The following RORA variants were observed in gnomAD, a reference collection of about 807,000 sequenced individuals.
The protein encoded by RORA is nuclear receptor ROR-alpha.
Under a neutral mutation model 69.5 loss-of-function variants are expected in RORA, and 7 were observed. That is an observed-to-expected ratio of 0.10 (90% CI 0.06 to 0.19). The LOEUF is 0.19. RORA is among the 10% of genes least tolerant of loss of function. The probability of loss-of-function intolerance (pLI) is 1.00; values close to 1 mark genes in which losing one functional copy is unlikely to be tolerated. For synonymous variants in RORA, 261 were observed against 240.8 expected, an observed-to-expected ratio of 1.08 and a Z score of -0.78; for missense variants, 457 against 663.0, an observed-to-expected ratio of 0.69 and a Z score of 3.41.
At position 60,623,198 on chromosome 15, in the gene RORA, GCA is replaced by G. The variant is rs1367137259; in HGVS notation, c.196+55457_196+55458del. 2.0e-5 allele frequency among the ~76,000 whole-genome samples: 3 copies of G among 152,276 alleles called. No individual in the cohort carries two copies. The East Asian group carries it at 5.8e-4, about 29-fold the overall frequency. ...GTGAAGCCCACCACAGGTGTGCTCT[GCA>G]AAGTCCCTGAAAGAGGAGGGCCCAA... On this transcript the variant is annotated intron_variant, in intron 2 of 10. Transcript: ENST00000335670.
intron 1 of RORA, among the ~76,000 whole-genome samples, chr15:61,007,754 TA>T (rs1044366380): frequency 1.6e-4 from 23 of 148,250 alleles, no homozygotes; most frequent in African/African-American, 5.6e-4. Context: ...AGCCTAATGT[TA>T]TATATTATAT....
chr15:60,578,482 T>C (rs537161870), intron 2 of RORA, among the ~76,000 whole-genome samples: 4 of 152,336 alleles, frequency 2.6e-5, no homozygotes, highest in Non-Finnish European at 4.4e-5. Context: ...AAGTTCATTT[T>C]TGAGAAAATA....
chr15:60,508,013 T>C (rs1468465838), intron 5 of RORA, among the ~76,000 whole-genome samples: 1 of 152,228 alleles, frequency 6.6e-6, no homozygotes, highest in Non-Finnish European at 1.5e-5. Flanking sequence ...ATTCACACCA[T>C]CTGCTCACCA....
At chr15:60,550,610 A>G (rs184084417) in intron 2 of RORA, among the ~76,000 whole-genome samples, 65 of 152,338 alleles carry the variant, frequency 4.3e-4, no homozygotes, top group African/African-American at 1.5e-3. Context: ...TCAGCTTTCA[A>G]TGGAAAAAAA....
intron 1 of RORA, among the ~76,000 whole-genome samples, chr15:60,946,983 T>A (rs924152279): frequency 3.3e-5 from 5 of 151,028 alleles, no homozygotes; most frequent in Non-Finnish European, 7.4e-5. Context: ...GAGGAGCCCC[T>A]CCGTCCGGCA....
chr15:60,786,975 G>A (rs898071111), intron 1 of RORA, among the ~76,000 whole-genome samples: 10 of 152,214 alleles, frequency 6.6e-5, no homozygotes, highest in African/African-American at 2.4e-4. Context: ...AGGAACCATG[G>A]GGTGGTGTGT....
At chr15:60,522,077 C>T (rs772844398) in intron 3 of RORA, among the ~76,000 whole-genome samples, 4 of 152,186 alleles carry the variant, frequency 2.6e-5, no homozygotes, top group Non-Finnish European at 5.9e-5. Context: ...TACCAGGTTG[C>T]AAGAGCTGAG....
chr15:61,125,264 C>T (rs1283890944), intron 1 of RORA, among the ~76,000 whole-genome samples: 2 of 152,216 alleles, frequency 1.3e-5, no homozygotes, highest in Admixed American at 6.5e-5. Flanking sequence ...AAACGTGACA[C>T]TGAATGCCCT....
intron 1 of RORA, among the ~76,000 whole-genome samples, chr15:61,005,837 T>C (rs1023414457): frequency 3.9e-5 from 6 of 152,022 alleles, no homozygotes; most frequent in African/African-American, 1.5e-4. Context: ...TGAGTAGGAG[T>C]GTGCGTATGT....
intron 1 of RORA, among the ~76,000 whole-genome samples, chr15:60,797,887 G>C (rs181223541): frequency 7.9e-5 from 12 of 152,290 alleles, no homozygotes; most frequent in Middle Eastern, 3.4e-3. Context: ...TCAACTAAAA[G>C]TTCCAGTCTT....
intron 1 of RORA, among the ~76,000 whole-genome samples, chr15:61,019,195 T>C (rs1895414801): frequency 1.3e-5 from 2 of 152,220 alleles, no homozygotes; most frequent in Non-Finnish European, 2.9e-5. Context: ...TACACAGCGC[T>C]CCACGCAGCT....
At chr15:61,143,089 C>T (rs981232931) in intron 1 of RORA, among the ~76,000 whole-genome samples, 4 of 151,904 alleles carry the variant, frequency 2.6e-5, no homozygotes, top group African/African-American at 7.3e-5. Flanking sequence ...GTACCTAGAA[C>T]GCCAAAGAGG....
intron 1 of RORA, among the ~76,000 whole-genome samples, chr15:60,799,699 T>C (rs1306982888): frequency 6.6e-6 from 1 of 151,892 alleles, no homozygotes; most frequent in African/African-American, 2.4e-5. Flanking sequence ...AAAATCAAAA[T>C]CATTTATTTT....
At chr15:61,043,633 T>C (rs982228314) in intron 1 of RORA, among the ~76,000 whole-genome samples, 5 of 152,170 alleles carry the variant, frequency 3.3e-5, no homozygotes, top group Admixed American at 2.6e-4. Context: ...ATGCCTGTCA[T>C]ACAGTTCCCT....
chr15:61,015,094 C>T (rs1202790862), intron 1 of RORA, among the ~76,000 whole-genome samples: 2 of 152,124 alleles, frequency 1.3e-5, no homozygotes, highest in Admixed American at 6.5e-5. Context: ...CATTAATTAC[C>T]ATCAGCAAGA....
intron 5 of RORA, among the ~76,000 whole-genome samples, chr15:60,506,776 C>T (rs1268711988): frequency 6.6e-6 from 1 of 151,994 alleles, no homozygotes; most frequent in Non-Finnish European, 1.5e-5. Flanking sequence ...CACCTGAGGT[C>T]AAGAGTTCGA....
chr15:60,631,593 G>A (rs1207052820), intron 2 of RORA, among the ~76,000 whole-genome samples: 1 of 152,124 alleles, frequency 6.6e-6, no homozygotes, highest in Non-Finnish European at 1.5e-5. Flanking sequence ...TTGCAGTAAG[G>A]TGGGGGAACT....
At position 60,571,077 on chromosome 15, in the gene RORA, A is replaced by G. The variant is rs150940817; in HGVS notation, c.197-39226T>C. On this transcript the variant is annotated intron_variant, in intron 2 of 10. Coordinates refer to ENST00000335670, the MANE Select transcript of RORA (RefSeq NM_134261.3). ...TGCCTGCTAGTGGCTTGTCAACAGT[A>G]GTTTCTATAATCAATTCTGGAAATG... 1.0e-3 allele frequency among the ~76,000 whole-genome samples: 155 copies of G among 151,964 alleles called. 3 individuals are homozygous for G. The East Asian group carries it at 0.028, about 27-fold the overall frequency.
intron 1 of RORA, among the ~76,000 whole-genome samples, chr15:60,960,861 C>T (rs1893398031): frequency 6.6e-6 from 1 of 152,072 alleles, no homozygotes; most frequent in Non-Finnish European, 1.5e-5. Flanking sequence ...GGTATTATTT[C>T]AAATAACCTC....
Sources: gnomAD v4.1 joint callset for allele counts (sites outside exome capture counted in the v4.1 genomes callset) on GRCh38, gnomAD v4.1.1 for gene constraint, MANE v1.5 for transcripts, NCBI Gene and HGNC (gene_info 2026-07-23, HGNC 2026-07-21) for gene names.